Variants in NXN observed in about 807,000 individuals in gnomAD.
NXN encodes the protein nucleoredoxin.
A neutral mutation model predicts 48.6 loss-of-function variants in NXN; 16 were observed. That is an observed-to-expected ratio of 0.33 (90% confidence interval 0.22 to 0.50). NXN has a LOEUF of 0.50. Ranked by LOEUF, NXN falls within the 20% of genes least tolerant of loss-of-function variation. The pLI is 0.98. For missense variants in NXN, 492 were observed against 605.5 expected (o/e 0.81, Z 1.97); for synonymous variants, 281 against 269.6 (o/e 1.04, Z -0.41).
intron 1 of NXN, among the ~76,000 whole-genome samples, chr17:928,223 G>A (rs1306043875): frequency 6.6e-6 from 1 of 152,154 alleles, no homozygotes; most frequent in Non-Finnish European, 1.5e-5. Flanking sequence ...GGGGGTCTCA[G>A]CCACAGCACC....
At chr17:896,854 A>AGCCGGGGGGG in intron 1 of NXN, 2 of 908,602 alleles carry the variant, frequency 2.2e-6, no homozygotes, top group Non-Finnish European at 3.0e-6. Context: ...CGCGGTCCTG[A>AGCCGGGGGGG]CCACCCGCCC....
At chr17:965,621 A>G (rs2069293051) in intron 1 of NXN, among the ~76,000 whole-genome samples, 1 of 152,132 alleles carries the variant, frequency 6.6e-6, no homozygotes, top group African/African-American at 2.4e-5. Flanking sequence ...GACTCCTCCT[A>G]GCCTGGAGAA....
At chr17:959,880 G>T (rs1412748886) in intron 1 of NXN, among the ~76,000 whole-genome samples, 1 of 151,296 alleles carries the variant, frequency 6.6e-6, no homozygotes, top group African/African-American at 2.4e-5. Context: ...ATTACTTGAG[G>T]TCAGGAGTTC....
intron 5 of NXN, among the ~76,000 whole-genome samples, chr17:812,870 GGGT>G (rs1912214796): frequency 2.7e-5 from 4 of 149,530 alleles, no homozygotes; most frequent in Non-Finnish European, 4.4e-5. Context: ...AGGTGTGTGT[GGGT>G]GTGTGCGCAC....
chr17:846,413 C>CAAAAAAAAAAAAAAAA (rs757262418), intron 1 of NXN, among the ~76,000 whole-genome samples: 1 of 62,700 alleles, frequency 1.6e-5, no homozygotes, highest in Non-Finnish European at 3.2e-5. Flanking sequence ...GAAATTGTCT[C>CAAAAAAAAAAAAAAAA]AAAAAAAAAA....
chr17:926,091 G>A (rs1274531910), intron 1 of NXN, among the ~76,000 whole-genome samples: 1 of 152,216 alleles, frequency 6.6e-6, no homozygotes, highest in Non-Finnish European at 1.5e-5. Context: ...ATTATGACCT[G>A]TCAGGAATCT....
At chr17:810,218 C>T (rs1193533634) in intron 5 of NXN, among the ~76,000 whole-genome samples, 1 of 73,496 alleles carries the variant, frequency 1.4e-5, no homozygotes, top group Non-Finnish European at 2.8e-5. Context: ...GTGCACGTTA[C>T]GAGTCCGTGT....
At position 801,011 on chromosome 17, in the gene NXN, C is replaced by T. The variant is rs759092228; in HGVS notation, c.1246G>A (p.Ala416Thr). 1.3e-5 allele frequency: 21 copies of T among 1,565,052 alleles called. No homozygotes were observed. The highest frequency in any genetic ancestry group is 1.8e-5 in the Non-Finnish European group (21 of 1,153,696). The change falls in exon 8 of 8, where the codon GCC becomes ACC. Residue 416 changes from alanine to threonine, a missense_variant. By Grantham distance (58) the Ala-to-Thr change is moderately conservative. Coordinates refer to ENST00000336868, the MANE Select transcript of NXN (RefSeq NM_022463.5). ...TCATTCACAAAGGCCTCCACGATGG[C>T]GGGGGTGATCTCCTCCACGTCCATC... is the stretch of plus-strand genomic sequence containing the variant. Reference protein sequence around the residue: ...YVMDVEEITPAIVEAFVNDFL... With the variant: ...YVMDVEEITPTIVEAFVNDFL...
intron 5 of NXN, among the ~76,000 whole-genome samples, chr17:815,440 A>T (rs1912413968): frequency 6.7e-6 from 1 of 149,920 alleles, no homozygotes; most frequent in African/African-American, 2.5e-5. Context: ...TAGATCCCTA[A>T]GCTCTGTAGG....
chr17:885,267 C>T (rs1411382943), intron 1 of NXN, among the ~76,000 whole-genome samples: 1 of 151,986 alleles, frequency 6.6e-6, no homozygotes, highest in African/African-American at 2.4e-5. Flanking sequence ...TTGAGACCAG[C>T]CTGGCCAAGA....
At chr17:851,119 G>A (rs566327786) in intron 1 of NXN, among the ~76,000 whole-genome samples, 9 of 152,348 alleles carry the variant, frequency 5.9e-5, no homozygotes, top group Admixed American at 1.3e-4. Flanking sequence ...TCCTGTCAAC[G>A]TTTAGCAGAA....
At position 895,656 on chromosome 17, in the gene NXN, C is replaced by CA. The variant is rs71145789; in HGVS notation, c.361-69579dup. On this transcript the variant is annotated intron_variant, in intron 1 of 7. Coordinates refer to ENST00000336868, the MANE Select transcript of NXN (RefSeq NM_022463.5). Reference sequence around the variant, plus strand: ...TGAAACCCCGTCTCTACTTAAAATACAAAAAAAAAAAATTAGCCAGGCGTG... The same window carrying CA: ...TGAAACCCCGTCTCTACTTAAAATACAAAAAAAAAAAAATTAGCCAGGCGTG... Among the ~76,000 whole-genome samples, 3 of 144,402 alleles carry CA rather than the reference C, an allele frequency of 2.1e-5. No homozygotes were observed. In the South Asian group the frequency reaches 7.0e-4, roughly 34 times the overall value. 94.7% of individuals were successfully genotyped at this position (144,402 alleles called of 152,430 possible).
chr17:831,458 T>TTTAC (rs1286310349), intron 1 of NXN, among the ~76,000 whole-genome samples: 1 of 64,156 alleles, frequency 1.6e-5, no homozygotes, highest in Admixed American at 1.7e-4. Flanking sequence ...TATTTATTCA[T>TTTAC]TTATTTATTT....
chr17:924,769 C>A (rs994540908), intron 1 of NXN, among the ~76,000 whole-genome samples: 2 of 152,204 alleles, frequency 1.3e-5, no homozygotes, highest in African/African-American at 2.4e-5. Flanking sequence ...CTTGGCAGCA[C>A]CAAGCCTCAT....
chr17:901,671 C>T (rs62070161), intron 1 of NXN, among the ~76,000 whole-genome samples: 17,182 of 152,200 alleles, frequency 0.11, 1,179 homozygotes, highest in Non-Finnish European at 0.15. Flanking sequence ...GCCTGAAAGT[C>T]TCTCCTTCAG....
At chr17:896,856 CA>C in intron 1 of NXN, 5 of 1,156,908 alleles carry the variant, frequency 4.3e-6, no homozygotes, top group South Asian at 2.8e-5. Context: ...CGGTCCTGAC[CA>C]CCCGCCCCCG....
chr17:829,574 T>G (rs1913338183), intron 1 of NXN, among the ~76,000 whole-genome samples: 1 of 152,030 alleles, frequency 6.6e-6, no homozygotes, highest in South Asian at 2.1e-4. Context: ...ATCAAGGTTT[T>G]AAGCCCCGCA....
At chr17:861,262 T>C (rs2068037268) in intron 1 of NXN, among the ~76,000 whole-genome samples, 1 of 152,044 alleles carries the variant, frequency 6.6e-6, no homozygotes, top group South Asian at 2.1e-4. Flanking sequence ...GCCTCCTGAG[T>C]AGCTGGGGTT....
chr17:805,031 A>ACCCCCCCCCCCCCC, intron 6 of NXN, 37 bp downstream of exon 6: 1 of 1,009,712 alleles, frequency 9.9e-7, no homozygotes, highest in Non-Finnish European at 1.4e-6. Context: ...CCCGCCCCCC[A>ACCCCCCCCCCCCCC]GCCACCCCTC....
Sources: allele counts gnomAD v4.1 joint callset (sites outside exome capture counted in the v4.1 genomes callset), GRCh38; gene constraint gnomAD v4.1.1; transcripts MANE v1.5; gene names NCBI Gene and HGNC (gene_info 2026-07-23, HGNC 2026-07-21).